Variants in CPD observed in about 807,000 individuals in gnomAD.
CPD encodes the protein carboxypeptidase D.
Under a neutral mutation model 138.3 loss-of-function variants are expected in CPD, and 69 were observed. That is an observed-to-expected ratio of 0.50 (90% CI 0.41 to 0.61). The LOEUF (loss-of-function observed/expected upper bound fraction) is 0.61. Among genes scored for constraint, CPD ranks in the 20% least tolerant of loss-of-function variants. The pLI, the probability that CPD is intolerant of heterozygous loss-of-function variation, is 0.00. For missense variants in CPD, 1,432 were observed against 1,733.3 expected, an observed-to-expected ratio of 0.83 and a Z score of 3.09; for synonymous variants, 651 against 642.1, an observed-to-expected ratio of 1.01 and a Z score of -0.21.
Position 30,466,448 on chromosome 17 carries a change from G to C in CPD, c.*1634G>C, listed in dbSNP as rs983386825. ...ATGAGGTCATGTCATTTGTTAATAA[G>C]TATCTGTGATAAATCCGTGGTTCAA... On this transcript the variant is annotated 3_prime_UTR_variant, in exon 21 of 21. Coordinates refer to ENST00000225719, the MANE Select transcript of CPD (RefSeq NM_001304.5). 1 of 152,586 alleles carries C rather than the reference G, an allele frequency of 6.6e-6. No individual in the cohort carries two copies. The highest frequency in any genetic ancestry group is 2.4e-5 in the African/African-American group (1 of 41,442). 9.5% of individuals were successfully genotyped at this position (152,586 alleles called of 1,614,324 possible).
intron 11 of CPD, among the ~76,000 whole-genome samples, chr17:30,444,528 T>TC (rs1912976157): frequency 6.9e-6 from 1 of 144,270 alleles, no homozygotes; most frequent in African/African-American, 2.6e-5. Context: ...TTTTTTTTTT[T>TC]TTTTTTTTTT....
At chr17:30,429,299 A>C (rs1216639705) in intron 7 of CPD, among the ~76,000 whole-genome samples, 11 of 152,354 alleles carry the variant, frequency 7.2e-5, no homozygotes, top group Middle Eastern at 3.4e-3. Flanking sequence ...TGTTGGCTAA[A>C]TCTGGAAAGT....
chr17:30,397,852 A>G (rs891734930), intron 2 of CPD, among the ~76,000 whole-genome samples: 2 of 151,138 alleles, frequency 1.3e-5, no homozygotes, highest in Non-Finnish European at 2.9e-5. Context: ...TTATTTGGAT[A>G]TATTTAAAAT....
In CPD at chr17:30,449,714, G is replaced by T. The variant is rs370754352; in HGVS notation, c.3035G>T (p.Cys1012Phe). The change falls in exon 13 of 21, where the codon TGC (cysteine) becomes TTC (phenylalanine). Residue 1012 changes from cysteine (C) to phenylalanine (F), a missense_variant. By Grantham distance (205) the Cys-to-Phe change is radical. Around this residue, in one of 6 missense-constraint regions of CPD, gnomAD observed 366 missense variants for 518.8 expected, o/e 0.71. Coordinates refer to ENST00000225719, the MANE Select transcript of CPD (RefSeq NM_001304.5). ...CTTTTGGCTCTGGCAGAATTTCTCT[G>T]CCTGAACTACAAAAAGAACCCAGCT... ...ELLLALAEFL[C>F]LNYKKNPAVT... 1.3e-6 allele frequency: 2 copies of T among 1,578,238 alleles called. No homozygotes were observed. Among genetic ancestry groups the T allele is most frequent in the African/African-American group, 1.4e-5 (1 of 72,326 alleles).
chr17:30,437,588 G>A (rs1053685462), intron 8 of CPD, among the ~76,000 whole-genome samples: 1 of 152,074 alleles, frequency 6.6e-6, no homozygotes, highest in African/African-American at 2.4e-5. Context: ...AGGAGGGTGA[G>A]GTGGAAGGAT....
chr17:30,422,623 C>T (rs750042096), intron 4 of CPD, 51 bp from the exon 5 acceptor site: 1 of 1,200,872 alleles, frequency 8.3e-7, no homozygotes, highest in East Asian at 2.4e-5. Flanking sequence ...AATATTAAAG[C>T]ATTGTATGTC....
intron 2 of CPD, among the ~76,000 whole-genome samples, chr17:30,403,328 G>A (rs1323888906): frequency 6.6e-6 from 1 of 152,140 alleles, no homozygotes; most frequent in Non-Finnish European, 1.5e-5. Flanking sequence ...TTGTAGTTCA[G>A]TTCTCAGTGC....
chr17:30,419,622 T>A (rs1642913707), intron 2 of CPD, among the ~76,000 whole-genome samples: 1 of 151,978 alleles, frequency 6.6e-6, no homozygotes, highest in South Asian at 2.1e-4. Context: ...ATTACAGGCA[T>A]GGGCCATTGC....
intron 14 of CPD, among the ~76,000 whole-genome samples, chr17:30,452,876 T>TA (rs1913201897): frequency 6.6e-6 from 1 of 151,864 alleles, no homozygotes; most frequent in Non-Finnish European, 1.5e-5. Context: ...AGCCACTTCT[T>TA]ACATGGTGGC....
chr17:30,449,488 C>A, intron 12 of CPD, 65 bp from the exon 13 acceptor site: 1 of 1,382,738 alleles, frequency 7.2e-7, no homozygotes, highest in Non-Finnish European at 9.8e-7. Context: ...TTTTTAAAGT[C>A]CATAAGTCAA....
rs565376942 is a variant in CPD at position 30,416,988 on chromosome 17, G to A, written c.995-3853G>A. Among the ~76,000 whole-genome samples the A allele has an allele frequency of 1.5e-3, 226 of 152,054 alleles. 1 individual carries two copies. Among genetic ancestry groups the A allele is most frequent in the African/African-American group, 5.2e-3 (217 of 41,454 alleles). ...GTGGTGGCATGAGCCTGTAGTCCTA[G>A]GTACTCGGGAGGTTGAGGCAGGAGA... is the stretch of plus-strand genomic sequence containing the variant. On this transcript the variant is annotated intron_variant, in intron 2 of 20. Coordinates refer to ENST00000225719, the MANE Select transcript of CPD (RefSeq NM_001304.5).
chr17:30,413,425 C>T (rs1398732265), intron 2 of CPD, among the ~76,000 whole-genome samples: 4 of 152,142 alleles, frequency 2.6e-5, no homozygotes, highest in South Asian at 2.1e-4. Flanking sequence ...AAGGTTAAGA[C>T]CGAGTTACTA....
chr17:30,444,946 G>A (rs1233832141), intron 11 of CPD, among the ~76,000 whole-genome samples: 2 of 151,918 alleles, frequency 1.3e-5, no homozygotes, highest in African/African-American at 4.8e-5. Flanking sequence ...TGAGTAATGA[G>A]GTCTTTTCTG....
rs749773782 is a variant in CPD at position 30,379,222 on chromosome 17, G to A, written c.242G>A (p.Arg81His). ...AAAAGLPGLA[R>H]LFSIGRSVEG... ...GCCGCGGGCCTCCCCGGCCTGGCCCGCCTCTTTAGCATCGGCCGCTCGGTG... is the reference window on the plus strand; with the variant it reads ...GCCGCGGGCCTCCCCGGCCTGGCCCACCTCTTTAGCATCGGCCGCTCGGTG... Residue 81 changes from arginine to histidine, a missense_variant, in exon 1 of 21, where the codon CGC becomes CAC. By Grantham distance (29) the Arg-to-His change is conservative (BLOSUM62 0). Coordinates refer to ENST00000225719, the MANE Select transcript of CPD (RefSeq NM_001304.5). This position sits in a 1 kb window ranked among gnomAD's most constrained non-coding sequence, Gnocchi z 7.0. The A allele has an allele frequency of 2.0e-6, 3 of 1,527,160 alleles. No homozygotes were observed. In the African/African-American group the frequency reaches 4.3e-5, roughly 22 times the overall value. The allele number at this position is 1,527,160 out of a possible 1,614,324, so 94.6% of individuals were successfully genotyped here.
At position 30,428,857 on chromosome 17, in the gene CPD, A is replaced by G. The variant is rs147722136; in HGVS notation, c.2017+1299A>G. On this transcript the variant is annotated intron_variant, in intron 7 of 20. Transcript: ENST00000225719. ...ACTTTAAATGGGTGAATTGCATGGT[A>G]TTTGAATTACATCAGTAAAACTACT... 2.5e-3 allele frequency among the ~76,000 whole-genome samples: 371 copies of G among 149,606 alleles called. 1 individual carries two copies. Among genetic ancestry groups the G allele is most frequent in the African/African-American group, 8.7e-3 (355 of 40,574 alleles).
At chr17:30,437,049 T>C (rs1275329098) in intron 8 of CPD, among the ~76,000 whole-genome samples, 1 of 151,766 alleles carries the variant, frequency 6.6e-6, no homozygotes. Context: ...ATTCAGTTTA[T>C]ATGTAATGTT....
At chr17:30,414,248 A>G (rs753371171) in intron 2 of CPD, among the ~76,000 whole-genome samples, 1 of 152,168 alleles carries the variant, frequency 6.6e-6, no homozygotes, top group Non-Finnish European at 1.5e-5. Flanking sequence ...AAGAATATAA[A>G]ACGGCAAGGG....
intron 13 of CPD, among the ~76,000 whole-genome samples, chr17:30,451,205 T>C (rs1913158140): frequency 6.6e-6 from 1 of 152,134 alleles, no homozygotes; most frequent in Non-Finnish European, 1.5e-5. Context: ...CAGTTCTGCC[T>C]CCCCAAAACA....
intron 7 of CPD, among the ~76,000 whole-genome samples, chr17:30,428,970 T>C (rs904498945): frequency 4.6e-5 from 7 of 152,088 alleles, no homozygotes; most frequent in Non-Finnish European, 1.0e-4. Flanking sequence ...AGAAGTACCA[T>C]AGTGGAGACT....
Sources: allele counts gnomAD v4.1 joint callset (sites outside exome capture counted in the v4.1 genomes callset), GRCh38; gene constraint gnomAD v4.1.1; regional missense constraint gnomAD v4.1.1; non-coding constraint Gnocchi (gnomAD v3.1); transcripts MANE v1.5; gene names NCBI Gene and HGNC (gene_info 2026-07-23, HGNC 2026-07-21).